SLC36A1: variants seen among roughly 807,000 people sequenced by gnomAD.
SLC36A1 encodes the protein proton-coupled amino acid transporter 1.
In SLC36A1, 30 loss-of-function variants were observed where a neutral mutation model predicts 47.5. That is an observed-to-expected ratio of 0.63 (90% CI 0.47 to 0.86). SLC36A1 has a LOEUF of 0.86. Among genes scored for constraint, SLC36A1 ranks in the 40% least tolerant of loss-of-function variants. The probability of loss-of-function intolerance (pLI) is 0.00; values close to 1 mark genes in which losing one functional copy is unlikely to be tolerated. For synonymous variants in SLC36A1, 255 were observed against 249.7 expected, an observed-to-expected ratio of 1.02 and a Z score of -0.20; for missense variants, 517 against 606.0, an observed-to-expected ratio of 0.85 and a Z score of 1.54.
the SLC36A1 span, chr5:151,527,985 A>G: frequency 6.2e-7 from 1 of 1,613,464 alleles, no homozygotes; most frequent in Non-Finnish European, 8.5e-7. Flanking sequence ...CGCCCCTCCC[A>G]CATGACTCAC....
chr5:151,384,060 G>A, the SLC36A1 span, among the ~76,000 whole-genome samples: 75,046 of 151,524 alleles, frequency 0.5, 20,577 homozygotes, highest in African/African-American at 0.75. Flanking sequence ...TGCCATGAAG[G>A]CAAATGTCTT....
the SLC36A1 span, among the ~76,000 whole-genome samples, chr5:151,526,794 TCCCTTCACCA>T: frequency 6.6e-6 from 1 of 152,038 alleles, no homozygotes; most frequent in Admixed American, 6.5e-5. Flanking sequence ...CTCCCTCACC[TCCCTTCACCA>T]CTTACAGCCC....
At position 151,467,813 on chromosome 5, in the gene SLC36A1, T is replaced by G. The variant is rs763518344; in HGVS notation, c.611T>G (p.Phe204Cys). 4 of 1,614,044 alleles carry G rather than the reference T, an allele frequency of 2.5e-6. No individual in the cohort carries two copies. Among genetic ancestry groups the G allele is most frequent in the East Asian group, 2.2e-5 (1 of 44,858 alleles). ...CTCTACATGCTCTCCTTCCTGCCCT[T>G]CCTGGTGCTGCTGGTTTTCATCAGG... ...SRLYMLSFLP[F>C]LVLLVFIRNL... Residue 204 changes from phenylalanine (F) to cysteine (C), a missense_variant, in exon 7 of 11, where the codon TTC (phenylalanine) becomes TGC (cysteine). By Grantham distance (205) the Phe-to-Cys change is radical (BLOSUM62 -2). Coordinates refer to ENST00000243389, the MANE Select transcript of SLC36A1 (RefSeq NM_078483.4).
chr5:151,517,805 G>A, the SLC36A1 span: 2 of 1,610,998 alleles, frequency 1.2e-6, no homozygotes, highest in East Asian at 2.2e-5. Context: ...ACTTGAAGTG[G>A]TCCCCATTGA....
At chr5:151,554,304 A>G in the SLC36A1 span, 1 of 1,505,620 alleles carries the variant, frequency 6.6e-7, no homozygotes. Flanking sequence ...GAATTCTCAA[A>G]GAAGGCCACT....
chr5:151,535,208 T>G, the SLC36A1 span, among the ~76,000 whole-genome samples: 1 of 151,860 alleles, frequency 6.6e-6, no homozygotes, highest in South Asian at 2.1e-4. Flanking sequence ...CTCCTGCCCG[T>G]AACTCCCACA....
chr5:151,553,039 T>G, the SLC36A1 span: 1 of 747,132 alleles, frequency 1.3e-6, no homozygotes, highest in Non-Finnish European at 2.2e-6. Context: ...GAAGAGGCAG[T>G]CCCCACTCCG....
At chr5:151,533,728 T>C in the SLC36A1 span, among the ~76,000 whole-genome samples, 25 of 151,916 alleles carry the variant, frequency 1.6e-4, no homozygotes, top group African/African-American at 5.8e-4. Context: ...TACATATATA[T>C]ATACATACAC....
chr5:151,520,152 G>A, the SLC36A1 span, among the ~76,000 whole-genome samples: 4 of 152,228 alleles, frequency 2.6e-5, no homozygotes, highest in Non-Finnish European at 4.4e-5. Context: ...TCTGAGAAAT[G>A]ATATCCCGAA....
the SLC36A1 span, chr5:151,550,499 G>A: frequency 1.4e-6 from 2 of 1,417,448 alleles, no homozygotes; most frequent in Non-Finnish European, 9.8e-7. Flanking sequence ...CCTTATGAGG[G>A]GAAGGGGGAC....
At chr5:151,470,216 C>T (rs1561764006) in intron 7 of SLC36A1, among the ~76,000 whole-genome samples, 1 of 152,148 alleles carries the variant, frequency 6.6e-6, no homozygotes, top group South Asian at 2.1e-4. Context: ...CTCTCAAGAG[C>T]ACCTAGGATA....
At chr5:151,480,213 A>G (rs1310510037) in intron 10 of SLC36A1, 7 of 515,648 alleles carry the variant, frequency 1.4e-5, no homozygotes, top group Non-Finnish European at 1.9e-5. Flanking sequence ...TTAAGTTTCT[A>G]AGAGATTTGC....
intron 2 of SLC36A1, among the ~76,000 whole-genome samples, chr5:151,461,127 A>G (rs1032880012): frequency 1.3e-5 from 2 of 149,998 alleles, no homozygotes; most frequent in African/African-American, 2.5e-5. Flanking sequence ...AGCTGAGACT[A>G]CAGGCATGCT....
Position 151,487,979 on chromosome 5 carries a change from G to C in SLC36A1, c.1160-4G>C, listed in dbSNP as rs1470170870. The C allele has an allele frequency of 6.2e-7, 1 of 1,613,918 alleles. No homozygotes were observed. ...TTAAACAGGCATGTCCTCTCTCCCTGCAGGCATCTTGGCCATCCTCATCCC... is the reference window on the plus strand; with the variant it reads ...TTAAACAGGCATGTCCTCTCTCCCTCCAGGCATCTTGGCCATCCTCATCCC... On this transcript the variant is annotated splice_polypyrimidine_tract_variant and splice_region_variant and intron_variant, in intron 10 of 10. Coordinates refer to ENST00000243389, the MANE Select transcript of SLC36A1 (RefSeq NM_078483.4).
At chr5:151,441,939 C>T (rs1377238109) in intron 1 of SLC36A1, among the ~76,000 whole-genome samples, 1 of 152,146 alleles carries the variant, frequency 6.6e-6, no homozygotes, top group Non-Finnish European at 1.5e-5. Flanking sequence ...TCTCCTGTCT[C>T]TCCTCCGCAT....
intron 7 of SLC36A1, among the ~76,000 whole-genome samples, chr5:151,468,264 A>AAAAAAAAAAAAAAAT (rs1756777342): frequency 1.3e-5 from 1 of 78,702 alleles, no homozygotes; most frequent in African/African-American, 8.1e-5. Context: ...AAAAAAAAAA[A>AAAAAAAAAAAAAAAT]AAATATATAT....
the SLC36A1 span, among the ~76,000 whole-genome samples, chr5:151,400,147 C>T: frequency 3.9e-5 from 6 of 152,142 alleles, no homozygotes; most frequent in African/African-American, 1.4e-4. Context: ...GGTTTTTCAA[C>T]CCTTGCTCCC....
the SLC36A1 span, among the ~76,000 whole-genome samples, chr5:151,498,391 C>T: frequency 6.6e-6 from 1 of 152,162 alleles, no homozygotes; most frequent in Non-Finnish European, 1.5e-5. Flanking sequence ...CTATGCTAAG[C>T]ACTTTATGTA....
chr5:151,539,639 G>A, the SLC36A1 span, among the ~76,000 whole-genome samples: 3 of 152,150 alleles, frequency 2.0e-5, no homozygotes, highest in Non-Finnish European at 4.4e-5. Context: ...AAATTAAAAT[G>A]TTAGCAGTTT....
Sources: allele counts gnomAD v4.1 joint callset (sites outside exome capture counted in the v4.1 genomes callset), GRCh38; gene constraint gnomAD v4.1.1; transcripts MANE v1.5; gene names NCBI Gene and HGNC (gene_info 2026-07-23, HGNC 2026-07-21).